DNAH14: variants seen among roughly 807,000 people sequenced by gnomAD.
DNAH14 encodes the protein dynein axonemal heavy chain 14, also known as axonemal beta dynein heavy chain 14.
DNAH14 carries 478 observed loss-of-function variants against 520.9 expected under a neutral mutation model. That is an observed-to-expected ratio of 0.92 (90% CI 0.85 to 0.99). The LOEUF is 0.99. Among genes scored for constraint, DNAH14 ranks in the 50% least tolerant of loss-of-function variants. DNAH14 has a pLI of 0.00. For missense variants in DNAH14, 4,831 were observed against 5,234.5 expected, an observed-to-expected ratio of 0.92 and a Z score of 2.38; for synonymous variants, 1,581 against 1,757.2, an observed-to-expected ratio of 0.90 and a Z score of 2.51.
At position 225,082,734 on chromosome 1, in the gene DNAH14, C is replaced by G. The variant is rs1411531064; in HGVS notation, c.3322C>G (p.Leu1108Val). The G allele has an allele frequency of 6.5e-7, 1 of 1,535,326 alleles. No homozygotes were observed. The highest frequency in any genetic ancestry group is 1.3e-5 in the South Asian group (1 of 79,878). Residue 1108 changes from leucine to valine, a missense_variant, in exon 20 of 86, where the codon CTC (leucine) becomes GTC (valine). Leu to Val is a conservative substitution (Grantham distance 32, BLOSUM62 1). Coordinates refer to ENST00000682510, the MANE Select transcript of DNAH14 (RefSeq NM_001367479.1). ...KNCKVENLLA[L>V]KMFQYENEIN... ...CTGTAAAGTAGAGAATCTTCTAGCT[C>G]TCAAGGTAAATAAAAATGGTTTTTT...
chr1:225,302,837 C>T (rs1483071803), intron 56 of DNAH14, among the ~76,000 whole-genome samples: 1 of 152,154 alleles, frequency 6.6e-6, no homozygotes, highest in Non-Finnish European at 1.5e-5. Flanking sequence ...CTTAAATCCA[C>T]ACCACCCCAG....
intron 49 of DNAH14, 93 bp downstream of exon 49, chr1:225,266,862 A>G: frequency 7.9e-7 from 1 of 1,263,914 alleles, no homozygotes; most frequent in South Asian, 1.7e-5. Flanking sequence ...TGCTTGAGAA[A>G]GTTAGAAATT....
At chr1:225,097,357 C>A in intron 22 of DNAH14, 118 bp downstream of exon 22, 1 of 938,902 alleles carries the variant, frequency 1.1e-6, no homozygotes, top group Non-Finnish European at 1.5e-6. Flanking sequence ...TACCTACAGA[C>A]ATAGGGGTAT....
chr1:225,256,852 T>A (rs967732958), intron 44 of DNAH14, among the ~76,000 whole-genome samples: 1 of 151,946 alleles, frequency 6.6e-6, no homozygotes, highest in African/African-American at 2.4e-5. Flanking sequence ...GCTTAATATA[T>A]AAAGGGACTT....
At chr1:225,082,788 C>G in intron 20 of DNAH14, 49 bp downstream of exon 20, 2 of 1,450,740 alleles carry the variant, frequency 1.4e-6, no homozygotes, top group Non-Finnish European at 1.9e-6. Context: ...ACCAGATGGG[C>G]CAATTTTAAA....
At chr1:225,034,323 G>A (rs1423327042) in intron 11 of DNAH14, among the ~76,000 whole-genome samples, 4 of 152,130 alleles carry the variant, frequency 2.6e-5, no homozygotes, top group African/African-American at 7.2e-5. Flanking sequence ...TAATCATACA[G>A]TTTTTGTCTT....
intron 69 of DNAH14, 67 bp downstream of exon 69, chr1:225,340,768 C>T: frequency 6.8e-7 from 1 of 1,462,542 alleles, no homozygotes. Flanking sequence ...TTATAAGAAC[C>T]AAATTTTGAA....
chr1:225,015,706 C>A (rs2449278), intron 10 of DNAH14, among the ~76,000 whole-genome samples: 137,714 of 152,312 alleles, frequency 0.9, 63,817 homozygotes, highest in East Asian at 1. Context: ...AAATGATATA[C>A]TAATAATCAA....
chr1:225,063,691 C>T (rs763101992), intron 17 of DNAH14, among the ~76,000 whole-genome samples: 1 of 151,880 alleles, frequency 6.6e-6, no homozygotes, highest in African/African-American at 2.4e-5. Flanking sequence ...AATTATAGTT[C>T]TATGGGAAAT....
At chr1:225,136,202 G>A (rs368278530) in intron 27 of DNAH14, among the ~76,000 whole-genome samples, 1 of 152,128 alleles carries the variant, frequency 6.6e-6, no homozygotes, top group South Asian at 2.1e-4. Context: ...ACATCATGAT[G>A]CTAGCTAGTT....
At chr1:225,377,750 G>C (rs925038764) in intron 79 of DNAH14, among the ~76,000 whole-genome samples, 1 of 152,094 alleles carries the variant, frequency 6.6e-6, no homozygotes, top group Non-Finnish European at 1.5e-5. Flanking sequence ...ACTTCAATGA[G>C]TTCCTTATGT....
chr1:225,043,449 C>T (rs763803027), intron 13 of DNAH14, among the ~76,000 whole-genome samples: 3 of 152,118 alleles, frequency 2.0e-5, no homozygotes, highest in Non-Finnish European at 4.4e-5. Flanking sequence ...CATTGTTGTG[C>T]ATGTCAGTAA....
At chr1:225,206,293 C>G (rs1022771211) in intron 40 of DNAH14, 114 bp downstream of exon 40, 4 of 944,322 alleles carry the variant, frequency 4.2e-6, no homozygotes, top group Non-Finnish European at 6.1e-6. Context: ...TATCCAGCAG[C>G]ATGAACTCAA....
chr1:225,022,258 A>G (rs927491036), intron 10 of DNAH14, among the ~76,000 whole-genome samples: 3 of 152,212 alleles, frequency 2.0e-5, no homozygotes, highest in South Asian at 2.1e-4. Flanking sequence ...AGTGGGACCT[A>G]ATGAAACTAA....
chr1:225,161,589 G>A (rs886945993), intron 35 of DNAH14, among the ~76,000 whole-genome samples: 14 of 152,124 alleles, frequency 9.2e-5, no homozygotes, highest in African/African-American at 2.9e-4. Flanking sequence ...CCTCCAAATT[G>A]TTCTCCATAG....
intron 43 of DNAH14, among the ~76,000 whole-genome samples, chr1:225,250,341 AT>A (rs2092486124): frequency 6.6e-6 from 1 of 152,252 alleles, no homozygotes; most frequent in African/African-American, 2.4e-5. Flanking sequence ...AAAACTAATG[AT>A]GTATAATAAG....
At chr1:225,290,385 A>C (rs1302715009) in intron 55 of DNAH14, among the ~76,000 whole-genome samples, 3 of 151,826 alleles carry the variant, frequency 2.0e-5, no homozygotes, top group Non-Finnish European at 4.4e-5. Context: ...AGCTGAGGTC[A>C]TCTGTCTTAT....
intron 42 of DNAH14, among the ~76,000 whole-genome samples, chr1:225,234,671 C>A (rs1392004543): frequency 6.6e-6 from 1 of 152,152 alleles, no homozygotes; most frequent in African/African-American, 2.4e-5. Flanking sequence ...TTCTTCTTAT[C>A]CATGAGCATA....
intron 49 of DNAH14, 64 bp from the exon 50 acceptor site, chr1:225,270,671 G>A (rs1000736802): frequency 1.3e-5 from 19 of 1,415,806 alleles, no homozygotes; most frequent in Non-Finnish European, 1.3e-5. Flanking sequence ...GGACAGAGAC[G>A]TAGGTACATA....
Sources: allele counts gnomAD v4.1 joint callset (sites outside exome capture counted in the v4.1 genomes callset), GRCh38; gene constraint gnomAD v4.1.1; transcripts MANE v1.5; gene names NCBI Gene and HGNC (gene_info 2026-07-23, HGNC 2026-07-21).